The following TIAM1 variants were observed in gnomAD, a reference collection of about 807,000 sequenced individuals.
The protein encoded by TIAM1 is TIAM Rac1 associated GEF 1.
TIAM1 carries 65 observed loss-of-function variants against 163.5 expected under a neutral mutation model. The ratio of observed to expected loss-of-function variants is 0.40; its 90% CI spans 0.33 to 0.49. The LOEUF is 0.49. TIAM1 is among the 20% of genes least tolerant of loss of function. The probability of loss-of-function intolerance (pLI) is 0.77; values close to 1 mark genes in which losing one functional copy is unlikely to be tolerated. For synonymous variants in TIAM1, 833 were observed against 810.1 expected (o/e 1.03, Z -0.48); for missense variants, 1,789 against 2,044.7 (o/e 0.87, Z 2.41).
At chr21:31,273,999 T>C (rs1014707938) in intron 3 of TIAM1, among the ~76,000 whole-genome samples, 1 of 152,140 alleles carries the variant, frequency 6.6e-6, no homozygotes, top group African/African-American at 2.4e-5. Context: ...GTTGGATCAC[T>C]TGAGGTCAGG....
intron 1 of TIAM1, among the ~76,000 whole-genome samples, chr21:31,540,283 G>C (rs2048278982): frequency 6.6e-6 from 1 of 151,930 alleles, no homozygotes; most frequent in African/African-American, 2.4e-5. Flanking sequence ...TACTTGGGAG[G>C]CTGAGGCAGG....
At chr21:31,331,090 T>C (rs1435011236) in intron 2 of TIAM1, among the ~76,000 whole-genome samples, 1 of 152,146 alleles carries the variant, frequency 6.6e-6, no homozygotes, top group Non-Finnish European at 1.5e-5. Flanking sequence ...GGATCCACTG[T>C]TGTGACATAC....
Position 31,141,292 on chromosome 21 carries a change from C to T in TIAM1, c.3655+33G>A. On this transcript the variant is annotated intron_variant, in intron 21 of 27. Coordinates refer to ENST00000541036, the MANE Select transcript of TIAM1 (RefSeq NM_001353694.2). This position sits in a 1 kb window ranked among gnomAD's most constrained non-coding sequence, Gnocchi z 4.7. ...CTATTTAGAGACCCTCATGGAGACT[C>T]AGGCCTGCCGGGGGTCCCAGGCCGA... 6.2e-7 allele frequency: 1 copy of T among 1,613,654 alleles called. No homozygotes were observed. Among genetic ancestry groups the T allele is most frequent in the Non-Finnish European group, 8.5e-7 (1 of 1,179,706 alleles).
intron 2 of TIAM1, among the ~76,000 whole-genome samples, chr21:31,384,991 T>A (rs1329896648): frequency 1.3e-5 from 2 of 152,182 alleles, no homozygotes; most frequent in African/African-American, 4.8e-5. Context: ...TGAAATGGAA[T>A]CCCCACTGTT....
chr21:31,341,958 G>A (rs2076033544), intron 1 of TIAM1, among the ~76,000 whole-genome samples: 1 of 152,194 alleles, frequency 6.6e-6, no homozygotes, highest in African/African-American at 2.4e-5. Flanking sequence ...GACTGATGGG[G>A]AAAAGGTACA....
intron 1 of TIAM1, among the ~76,000 whole-genome samples, chr21:31,487,907 G>A (rs1049545114): frequency 6.6e-6 from 1 of 151,610 alleles, no homozygotes; most frequent in Non-Finnish European, 1.5e-5. Flanking sequence ...GGCCAGGCTG[G>A]TCTCAAGCAT....
chr21:31,203,263 C>T (rs1342717394), intron 11 of TIAM1, among the ~76,000 whole-genome samples: 1 of 152,096 alleles, frequency 6.6e-6, no homozygotes, highest in Non-Finnish European at 1.5e-5. Flanking sequence ...GCTGGGATTA[C>T]AGGCGCCCAC....
chr21:31,213,529 C>G, intron 9 of TIAM1, 57 bp from the exon 10 acceptor site: 1 of 1,493,512 alleles, frequency 6.7e-7, no homozygotes, highest in Non-Finnish European at 9.3e-7. Context: ...GCAAACGAAA[C>G]GTAGGAAGGG....
intron 2 of TIAM1, among the ~76,000 whole-genome samples, chr21:31,308,555 A>T (rs1350915220): frequency 2.6e-5 from 4 of 152,102 alleles, no homozygotes; most frequent in Non-Finnish European, 5.9e-5. Context: ...AGTCGCCAGG[A>T]ATGTTTACTA....
At chr21:31,173,536 G>A (rs2084621547) in intron 15 of TIAM1, among the ~76,000 whole-genome samples, 2 of 151,370 alleles carry the variant, frequency 1.3e-5, no homozygotes, top group Admixed American at 1.3e-4. Context: ...GAGAGAAAGA[G>A]AGAGAGAGAG....
At chr21:31,142,744 C>A (rs2082915099) in intron 20 of TIAM1, among the ~76,000 whole-genome samples, 1 of 152,108 alleles carries the variant, frequency 6.6e-6, no homozygotes, top group African/African-American at 2.4e-5. Flanking sequence ...GCAGGATCTC[C>A]CACGGTGATC....
chr21:31,216,825 A>G (rs2087241017), intron 9 of TIAM1, among the ~76,000 whole-genome samples: 1 of 152,154 alleles, frequency 6.6e-6, no homozygotes. Context: ...GGATCTGCCC[A>G]TTTAATGTCA....
rs746748943 is a variant in TIAM1 at position 31,229,650 on chromosome 21, A to AC, written c.1585-3701dup. Among the ~76,000 whole-genome samples, 38 of 142,108 alleles carry AC rather than the reference A, an allele frequency of 2.7e-4. No individual in the cohort carries two copies. In the South Asian group the frequency reaches 3.5e-3, roughly 13 times the overall value. 93.2% of individuals were successfully genotyped at this position (142,108 alleles called of 152,430 possible). On this transcript the variant is annotated intron_variant, in intron 6 of 27. Coordinates refer to ENST00000541036, the MANE Select transcript of TIAM1 (RefSeq NM_001353694.2). ...AGATTTTAGGGGAGTTCGTGTCTTCACCCCCCCTTTTTTTTTTGAGATGGA... is the reference window on the plus strand; with the variant it reads ...AGATTTTAGGGGAGTTCGTGTCTTCACCCCCCCCTTTTTTTTTTGAGATGGA...
chr21:31,140,634 T>G (rs1271122475), intron 22 of TIAM1, among the ~76,000 whole-genome samples: 1 of 152,218 alleles, frequency 6.6e-6, no homozygotes, highest in Non-Finnish European at 1.5e-5. Context: ...TCACCTTAAG[T>G]CTTTCTCAGG....
chr21:31,470,075 C>T (rs2045687356), intron 1 of TIAM1, among the ~76,000 whole-genome samples: 1 of 149,972 alleles, frequency 6.7e-6, no homozygotes, highest in Admixed American at 6.7e-5. Context: ...GCGATCTCAG[C>T]TCACTGCAAC....
chr21:31,419,030 G>A (rs567110588), intron 2 of TIAM1, among the ~76,000 whole-genome samples: 17 of 152,188 alleles, frequency 1.1e-4, no homozygotes, highest in Non-Finnish European at 2.1e-4. Flanking sequence ...AGATCTGCCG[G>A]GCACACCAGG....
chr21:31,209,168 A>C (rs2086600857), intron 11 of TIAM1, among the ~76,000 whole-genome samples: 1 of 152,208 alleles, frequency 6.6e-6, no homozygotes, highest in Admixed American at 6.5e-5. Flanking sequence ...AGTTCAGGCA[A>C]GCAGCTAAGG....
intron 16 of TIAM1, among the ~76,000 whole-genome samples, chr21:31,154,979 T>A (rs2083551166): frequency 6.6e-6 from 1 of 152,190 alleles, no homozygotes; most frequent in African/African-American, 2.4e-5. Flanking sequence ...TGAGTCAACT[T>A]TCTAGATTAA....
chr21:31,342,012 C>T (rs1272492942), intron 1 of TIAM1, among the ~76,000 whole-genome samples: 4 of 151,920 alleles, frequency 2.6e-5, no homozygotes, highest in Non-Finnish European at 5.9e-5. Flanking sequence ...ACAGATACTA[C>T]AGTCTTTAAA....
Sources: allele counts gnomAD v4.1 joint callset (sites outside exome capture counted in the v4.1 genomes callset), GRCh38; gene constraint gnomAD v4.1.1; non-coding constraint Gnocchi (gnomAD v3.1); transcripts MANE v1.5; gene names NCBI Gene and HGNC (gene_info 2026-07-23, HGNC 2026-07-21).